CNTNAP1: variants seen among roughly 807,000 people sequenced by gnomAD.
The protein encoded by CNTNAP1 is contactin associated protein 1.
In CNTNAP1, 80 loss-of-function variants were observed where a neutral mutation model predicts 161.5. The ratio of observed to expected loss-of-function variants is 0.50; its 90% CI spans 0.41 to 0.60. CNTNAP1 has a LOEUF of 0.60. Among genes scored for constraint, CNTNAP1 ranks in the 20% least tolerant of loss-of-function variants. CNTNAP1 has a pLI of 0.00. For missense variants in CNTNAP1, 1,464 were observed against 1,854.8 expected (o/e 0.79, Z 3.87); for synonymous variants, 695 against 733.1 (o/e 0.95, Z 0.84).
chr17:42,688,662 C>T (rs776541482), intron 9 of CNTNAP1, 51 bp downstream of exon 9: 2 of 1,611,118 alleles, frequency 1.2e-6, no homozygotes, highest in Non-Finnish European at 1.7e-6. Flanking sequence ...GGGAAGGCTC[C>T]ATCTAAGTCC....
chr17:42,686,957 A>G lies in CNTNAP1; in HGVS notation c.955A>G (p.Asn319Asp). The change falls in exon 7 of 24, where the codon AAC becomes GAC. Residue 319 changes from asparagine to aspartate, a missense_variant. Coordinates refer to ENST00000264638, the MANE Select transcript of CNTNAP1 (RefSeq NM_003632.3). ...AARKNLAYRH[N>D]FRGCIENVIF... ...GCGGAAGAACCTGGCCTATCGGCATAACTTCCGCGGCTGCATAGAAAACGT... is the reference window on the plus strand; with the variant it reads ...GCGGAAGAACCTGGCCTATCGGCATGACTTCCGCGGCTGCATAGAAAACGT... 1 of 1,613,936 alleles carries G rather than the reference A, an allele frequency of 6.2e-7. No individual in the cohort carries two copies.
chr17:42,686,974 A>G lies in CNTNAP1; in HGVS notation c.972A>G (p.Ile324Met), dbSNP rs2053025532. The part of the protein sequence containing the change: ...LAYRHNFRGC[I>M]ENVIFNRVNI... ...ATCGGCATAACTTCCGCGGCTGCAT[A>G]GAAAACGTAATCTTCAACCGCGTCA... Residue 324 changes from isoleucine to methionine, a missense_variant, in exon 7 of 24, where the codon ATA becomes ATG. Ile to Met is a conservative substitution (Grantham distance 10, BLOSUM62 1). Around this residue, in one of 3 missense-constraint regions of CNTNAP1, gnomAD observed 1,383 missense variants for 1,765.0 expected, o/e 0.78. Coordinates refer to ENST00000264638, the MANE Select transcript of CNTNAP1 (RefSeq NM_003632.3). The G allele has an allele frequency of 6.2e-7, 1 of 1,614,058 alleles. No homozygotes were observed. The highest frequency in any genetic ancestry group is 8.5e-7 in the Non-Finnish European group (1 of 1,179,964).
At chr17:42,692,438 T>G in intron 16 of CNTNAP1, 61 bp from the exon 17 acceptor site, 2 of 1,383,668 alleles carry the variant, frequency 1.4e-6, no homozygotes, top group Non-Finnish European at 2.0e-6. Flanking sequence ...TGGGCAAGGA[T>G]CTATGAAGGG....
rs1262179573 is a variant in CNTNAP1, at chr17:42,685,729, A to G, written c.716-228A>G. Among the ~76,000 whole-genome samples the G allele has an allele frequency of 1.3e-5, 2 of 152,176 alleles. No homozygotes were observed. The highest frequency in any genetic ancestry group is 2.9e-5 in the Non-Finnish European group (2 of 68,038). On this transcript the variant is annotated intron_variant, in intron 5 of 23. Transcript: ENST00000264638. This position sits in a 1 kb window ranked among gnomAD's most constrained non-coding sequence, Gnocchi z 5.0. Reference sequence around the variant, plus strand: ...ACACATTGTATCTCATTAGCTTTTCATAACACCCGCACATGAAATAGAAGC... The same window carrying G: ...ACACATTGTATCTCATTAGCTTTTCGTAACACCCGCACATGAAATAGAAGC...
chr17:42,683,958 C>T (rs375021461), intron 2 of CNTNAP1, 36 bp downstream of exon 2: 2 of 1,612,380 alleles, frequency 1.2e-6, no homozygotes, highest in African/African-American at 1.3e-5. Flanking sequence ...CAACTGGCAG[C>T]GCACCGCGGA....
intron 3 of CNTNAP1, 32 bp from the exon 4 acceptor site, chr17:42,684,959 G>A (rs750724109): frequency 1.2e-6 from 2 of 1,604,460 alleles, no homozygotes; most frequent in Non-Finnish European, 1.7e-6. Context: ...CAGAGGGCAG[G>A]ACGTGGTTAC....
At position 42,687,526 on chromosome 17, in the gene CNTNAP1, G is replaced by A. The variant is rs527730797; in HGVS notation, c.1045-194G>A. The A allele has an allele frequency of 3.1e-6, 2 of 653,172 alleles. No individual in the cohort carries two copies. The highest frequency in any genetic ancestry group is 5.5e-5 in the East Asian group (2 of 36,322). The allele number at this position is 653,172 out of a possible 1,614,324, so 40.5% of individuals were successfully genotyped here. Reference sequence around the variant, plus strand: ...AGAGCAAGCGAGCAGAGTTCCGAGGGCCGACTGGGTTGGGGCCCCCTCCAC... The same window carrying A: ...AGAGCAAGCGAGCAGAGTTCCGAGGACCGACTGGGTTGGGGCCCCCTCCAC... On this transcript the variant is annotated intron_variant, in intron 7 of 23. Coordinates refer to ENST00000264638, the MANE Select transcript of CNTNAP1 (RefSeq NM_003632.3). This position sits in a 1 kb window ranked among gnomAD's most constrained non-coding sequence, Gnocchi z 4.7.
intron 12 of CNTNAP1, 33 bp downstream of exon 12, chr17:42,690,240 G>T (rs927674541): frequency 3.1e-6 from 5 of 1,612,374 alleles, no homozygotes; most frequent in South Asian, 1.1e-5. Flanking sequence ...GAGGGGGTGA[G>T]GGGAGAACCA....
chr17:42,698,195 G>C (rs2053175179), intron 23 of CNTNAP1, among the ~76,000 whole-genome samples: 1 of 152,200 alleles, frequency 6.6e-6, no homozygotes, highest in African/African-American at 2.4e-5. Context: ...TTAGATGTTT[G>C]AGGATGCTAC....
intron 20 of CNTNAP1, among the ~76,000 whole-genome samples, chr17:42,696,554 C>T (rs1166412053): frequency 1.3e-5 from 2 of 152,184 alleles, no homozygotes; most frequent in Non-Finnish European, 2.9e-5. Flanking sequence ...AACACCCGAC[C>T]TCAGATGATC....
At chr17:42,683,964 G>A in intron 2 of CNTNAP1, 42 bp downstream of exon 2, 2 of 1,613,244 alleles carry the variant, frequency 1.2e-6, no homozygotes, top group African/African-American at 1.3e-5. Context: ...GCAGCGCACC[G>A]CGGAAGGGTG....
At chr17:42,683,609 G>C (rs1404863343) in intron 1 of CNTNAP1, 8 of 1,421,572 alleles carry the variant, frequency 5.6e-6, no homozygotes, top group Non-Finnish European at 7.3e-6. Context: ...TGTAGCCTAG[G>C]GGTTTGCCTA....
At chr17:42,686,841 C>G (rs549516000) in intron 6 of CNTNAP1, 62 bp from the exon 7 acceptor site, 5 of 1,520,786 alleles carry the variant, frequency 3.3e-6, no homozygotes, top group Non-Finnish European at 4.4e-6. Context: ...ACGGCGGGGA[C>G]GCGCGAGAAA....
rs140555488 is a variant in CNTNAP1 at position 42,687,121 on chromosome 17, A to T, written c.1044+75A>T. ...AAGCAAAGAGGTGGAGCGGGAAGAG[A>T]TATTGAACATCAGATAAAAGCGGAG... On this transcript the variant is annotated intron_variant, in intron 7 of 23. Transcript: ENST00000264638. This position sits in a 1 kb window ranked among gnomAD's most constrained non-coding sequence, Gnocchi z 4.7. 2,224 of 1,549,090 alleles carry T rather than the reference A, an allele frequency of 1.4e-3. 6 individuals carry two copies. The highest frequency in any genetic ancestry group is 1.8e-3 in the Non-Finnish European group (2,067 of 1,137,666).
intron 12 of CNTNAP1, 103 bp from the exon 13 acceptor site, chr17:42,690,636 C>T (rs946375731): frequency 1.3e-5 from 16 of 1,188,636 alleles, no homozygotes; most frequent in African/African-American, 8.9e-5. Context: ...CTGCTGGCCA[C>T]GTTCAGTGGC....
At position 42,683,907 on chromosome 17, in the gene CNTNAP1, T is replaced by C; in HGVS notation, c.154T>C (p.Phe52Leu). 1 of 1,613,828 alleles carries C rather than the reference T, an allele frequency of 6.2e-7. No homozygotes were observed. Among genetic ancestry groups the C allele is most frequent in the African/African-American group, 1.3e-5 (1 of 75,022 alleles). Residue 52 changes from phenylalanine to leucine, a missense_variant, in exon 2 of 24, where the codon TTC (phenylalanine) becomes CTC (leucine). This residue lies in a region of CNTNAP1 where 77 missense variants were observed against 73.6 expected (regional missense o/e 1.05). Coordinates refer to ENST00000264638, the MANE Select transcript of CNTNAP1 (RefSeq NM_003632.3). ...SYYSLLTAPR[F>L]ARLHGISGWS... The stretch of plus-strand genomic sequence containing the variant: ...CTACAGTCTCCTTACTGCGCCGAGA[T>C]TCGCCAGGCTGCACGGTGAGCTCCG...
chr17:42,695,473 G>T, intron 18 of CNTNAP1, 48 bp from the exon 19 acceptor site: 2 of 1,412,410 alleles, frequency 1.4e-6, no homozygotes, highest in South Asian at 2.5e-5. Flanking sequence ...CCTCTGAATT[G>T]GGGAGTGAGC....
intron 23 of CNTNAP1, 33 bp from the exon 24 acceptor site, chr17:42,698,584 CA>C: frequency 6.5e-7 from 1 of 1,539,298 alleles, no homozygotes; most frequent in Middle Eastern, 1.9e-4. Context: ...GGTGAGATCC[CA>C]AAGATCTGAA....
Position 42,695,949 on chromosome 17 carries a change from T to C in CNTNAP1, c.3346+75T>C, listed in dbSNP as rs146226619. The C allele has an allele frequency of 4.8e-4, 770 of 1,598,582 alleles. 2 individuals are homozygous for C. Among genetic ancestry groups the C allele is most frequent in the Middle Eastern group, 1.7e-3 (10 of 5,924 alleles). ...CCTAATTCTCCTATTGATTCACAAA[T>C]ACAAGGACCCACGTGCTGTTAGAAG... On this transcript the variant is annotated intron_variant, in intron 19 of 23. Coordinates refer to ENST00000264638, the MANE Select transcript of CNTNAP1 (RefSeq NM_003632.3).
Sources: gnomAD v4.1 joint callset for allele counts (sites outside exome capture counted in the v4.1 genomes callset) on GRCh38, gnomAD v4.1.1 for gene constraint, gnomAD v4.1.1 regional missense constraint, Gnocchi (gnomAD v3.1) non-coding constraint, MANE v1.5 for transcripts, NCBI Gene and HGNC (gene_info 2026-07-23, HGNC 2026-07-21) for gene names.